The following TRAF3 variants were observed in gnomAD, a reference collection of about 807,000 sequenced individuals.
The protein encoded by TRAF3 is TNF receptor associated factor 3.
Under a neutral mutation model 62.3 loss-of-function variants are expected in TRAF3, and 13 were observed. The ratio of observed to expected loss-of-function variants is 0.21; its 90% CI spans 0.14 to 0.33. TRAF3 has a LOEUF of 0.33. Among genes scored for constraint, TRAF3 ranks in the 10% least tolerant of loss-of-function variants. The probability of loss-of-function intolerance (pLI) is 1.00; values close to 1 mark genes in which losing one functional copy is unlikely to be tolerated. For synonymous variants in TRAF3, 269 were observed against 283.4 expected, an observed-to-expected ratio of 0.95 and a Z score of 0.51; for missense variants, 440 against 741.8, an observed-to-expected ratio of 0.59 and a Z score of 4.73.
chr14:102,809,613 A>G (rs899668962), intron 1 of TRAF3, among the ~76,000 whole-genome samples: 2 of 147,910 alleles, frequency 1.4e-5, no homozygotes, highest in Non-Finnish European at 3.0e-5. Flanking sequence ...GCTCACTGCA[A>G]GCGCCGCCTC....
chr14:102,831,765 G>A (rs1443354371), intron 2 of TRAF3, among the ~76,000 whole-genome samples: 1 of 151,854 alleles, frequency 6.6e-6, no homozygotes, highest in Admixed American at 6.6e-5. Context: ...TTTTGGCCTG[G>A]GATTTTGAGA....
At chr14:102,895,250 A>T (rs957983156) in intron 9 of TRAF3, 1 of 354,064 alleles carries the variant, frequency 2.8e-6, no homozygotes. Context: ...AAGGAAGGAA[A>T]GCCTTTGCGG....
intron 1 of TRAF3, among the ~76,000 whole-genome samples, chr14:102,786,558 A>G (rs192999736): frequency 1.1e-4 from 16 of 152,262 alleles, no homozygotes; most frequent in African/African-American, 3.9e-4. Flanking sequence ...GTGGTGGCAC[A>G]TGCCTGTAAT....
At chr14:102,899,975 C>T (rs1292874608) in intron 10 of TRAF3, among the ~76,000 whole-genome samples, 2 of 151,420 alleles carry the variant, frequency 1.3e-5, no homozygotes, top group Non-Finnish European at 2.9e-5. Context: ...GTCAGGAGAT[C>T]GAGACCATCC....
intron 2 of TRAF3, among the ~76,000 whole-genome samples, chr14:102,846,410 GATTTTGTTATTTTCATCTGCTTCTGGTTT>G: frequency 6.6e-6 from 1 of 152,112 alleles, no homozygotes; most frequent in South Asian, 2.1e-4. Flanking sequence ...TATGTAGTAT[GATTTTGTTATTTTCATCTGCTTCTGGTTT>G]TTATATAAGT....
At chr14:102,830,560 ACT>A (rs1188968958) in intron 2 of TRAF3, 88 bp downstream of exon 2, 3 of 152,066 alleles carry the variant, frequency 2.0e-5, no homozygotes, top group African/African-American at 7.3e-5. Flanking sequence ...TCTAATTTAG[ACT>A]CTGTAATTTA....
chr14:102,850,207 C>T (rs1886954228), intron 2 of TRAF3, among the ~76,000 whole-genome samples: 1 of 152,148 alleles, frequency 6.6e-6, no homozygotes, highest in Non-Finnish European at 1.5e-5. Context: ...ATGGATATGC[C>T]TCAGCTGTGA....
At chr14:102,900,463 T>C (rs989209445) in intron 10 of TRAF3, among the ~76,000 whole-genome samples, 2 of 152,172 alleles carry the variant, frequency 1.3e-5, no homozygotes, top group Non-Finnish European at 2.9e-5. Flanking sequence ...ATTGCGCCAT[T>C]GCACTCGAGA....
At chr14:102,856,357 T>C (rs898309882) in intron 2 of TRAF3, among the ~76,000 whole-genome samples, 4 of 152,168 alleles carry the variant, frequency 2.6e-5, no homozygotes, top group African/African-American at 7.2e-5. Context: ...TATCTGGAAC[T>C]GAGGGTTTCT....
At chr14:102,792,355 C>G (rs1282215955) in intron 1 of TRAF3, among the ~76,000 whole-genome samples, 4 of 151,194 alleles carry the variant, frequency 2.6e-5, no homozygotes, top group Admixed American at 1.3e-4. Flanking sequence ...TCAAATTCCT[C>G]ACCTTGAGCA....
At chr14:102,901,547 T>C (rs1203247447) in intron 10 of TRAF3, among the ~76,000 whole-genome samples, 1 of 152,180 alleles carries the variant, frequency 6.6e-6, no homozygotes, top group Non-Finnish European at 1.5e-5. Flanking sequence ...CCCCAGCAAA[T>C]AGACTTGGTG....
intron 1 of TRAF3, among the ~76,000 whole-genome samples, chr14:102,828,403 C>T (rs1022949309): frequency 3.3e-5 from 5 of 152,174 alleles, no homozygotes; most frequent in Admixed American, 1.3e-4. Flanking sequence ...AATACTCCTC[C>T]GGACCTGGCA....
intron 1 of TRAF3, among the ~76,000 whole-genome samples, chr14:102,817,079 G>T (rs1225906255): frequency 6.6e-6 from 1 of 152,182 alleles, no homozygotes; most frequent in Non-Finnish European, 1.5e-5. Flanking sequence ...AGAGGAACGG[G>T]TACCAAGGGC....
chr14:102,811,550 GTTTTTTTTTTTT>G (rs35064640), intron 1 of TRAF3, among the ~76,000 whole-genome samples: 1 of 79,510 alleles, frequency 1.3e-5, no homozygotes, highest in Admixed American at 1.6e-4. Flanking sequence ...GCTGTAGGCG[GTTTTTTTTTTTT>G]TTTTTTTTTT....
intron 1 of TRAF3, among the ~76,000 whole-genome samples, chr14:102,806,969 A>G (rs1898811802): frequency 1.3e-5 from 2 of 152,012 alleles, no homozygotes; most frequent in African/African-American, 2.4e-5. Context: ...ACTGGGGAGC[A>G]TTTCTTGGTC....
Position 102,841,969 on chromosome 14 carries a change from G to T in TRAF3, c.-18+11497G>T, listed in dbSNP as rs972827055. Among the ~76,000 whole-genome samples the T allele has an allele frequency of 3.1e-4, 47 of 152,274 alleles. 2 individuals are homozygous for T. The highest frequency in any genetic ancestry group is 6.8e-3 in the Middle Eastern group (2 of 294). On this transcript the variant is annotated intron_variant, in intron 2 of 11. Coordinates refer to ENST00000392745, the MANE Select transcript of TRAF3 (RefSeq NM_145725.3). ...ATATATACAATATATAAAATGCCGG[G>T]CGCAGTGGCTCACACCTATAATCCC...
intron 1 of TRAF3, among the ~76,000 whole-genome samples, chr14:102,784,608 G>A (rs949351085): frequency 1.3e-5 from 2 of 152,128 alleles, no homozygotes; most frequent in African/African-American, 4.8e-5. Context: ...AAGTGCTAGG[G>A]GCTATGCTCG....
chr14:102,845,209 GT>G (rs768132939), intron 2 of TRAF3, among the ~76,000 whole-genome samples: 15 of 130,458 alleles, frequency 1.1e-4, no homozygotes, highest in African/African-American at 8.5e-5. Context: ...AAAATTTTTT[GT>G]TTTTTTTTTT....
At chr14:102,840,628 T>C (rs1391458787) in intron 2 of TRAF3, among the ~76,000 whole-genome samples, 1 of 152,172 alleles carries the variant, frequency 6.6e-6, no homozygotes, top group African/African-American at 2.4e-5. Context: ...CGATATTATA[T>C]ATAAAACTTT....
Sources: gnomAD v4.1 joint callset for allele counts (sites outside exome capture counted in the v4.1 genomes callset) on GRCh38, gnomAD v4.1.1 for gene constraint, MANE v1.5 for transcripts, NCBI Gene and HGNC (gene_info 2026-07-23, HGNC 2026-07-21) for gene names.